Variants in METTL14 observed in about 807,000 individuals in gnomAD.
METTL14 encodes the protein N(6)-adenosine-methyltransferase non-catalytic subunit METTL14.
Under a neutral mutation model 62.4 loss-of-function variants are expected in METTL14, and 32 were observed. The observed-to-expected ratio is 0.51, with a 90% CI of 0.39 to 0.69. The LOEUF is 0.69. METTL14 is among the 30% of genes least tolerant of loss of function. The pLI is 0.00. For synonymous variants in METTL14, 150 were observed against 180.0 expected, an observed-to-expected ratio of 0.83 and a Z score of 1.34; for missense variants, 340 against 551.9, an observed-to-expected ratio of 0.62 and a Z score of 3.85.
chr4:118,691,556 G>A lies in METTL14; in HGVS notation c.268G>A (p.Glu90Lys). 1 of 1,555,240 alleles carries A rather than the reference G, an allele frequency of 6.4e-7. No individual in the cohort carries two copies. The highest frequency in any genetic ancestry group is 8.7e-7 in the Non-Finnish European group (1 of 1,149,036). ...GGATGAACTAGAAATGCAACAGGAT[G>A]AAGAAAATTTGCCATATGAAGAAGA... ...YKDELEMQQD[E>K]ENLPYEEEIY... Residue 90 changes from glutamate to lysine, a missense_variant, in exon 4 of 11, where the codon GAA (glutamate) becomes AAA (lysine). Glu to Lys is a moderately conservative substitution (Grantham distance 56, BLOSUM62 1). Around this residue, in one of 7 missense-constraint regions of METTL14, gnomAD observed 111 missense variants for 116.6 expected, o/e 0.95. Transcript: ENST00000388822.
chr4:118,693,629 T>G (rs1724319606), intron 5 of METTL14, among the ~76,000 whole-genome samples: 1 of 152,188 alleles, frequency 6.6e-6, no homozygotes, highest in Non-Finnish European at 1.5e-5. Flanking sequence ...GCATAAAAAT[T>G]TATGGTTAAA....
rs750876503 is a variant in METTL14 at position 118,705,810 on chromosome 4, C to T, written c.1055C>T (p.Thr352Ile). The T allele has an allele frequency of 6.2e-7, 1 of 1,612,940 alleles. No homozygotes were observed. The highest frequency in any genetic ancestry group is 1.1e-5 in the South Asian group (1 of 91,018). ...CTTCATCTATTTGGAAGAGATAGTA[C>T]AATTCGACCAGGTAGGACCTCAGTT... The part of the protein sequence containing the change: ...RRLHLFGRDS[T>I]IRPGWLTVGP... The change falls in exon 10 of 11, where the codon ACA becomes ATA. Residue 352 changes from threonine to isoleucine, a missense_variant. Physicochemically the swap from Thr to Ile is moderately conservative, Grantham distance 89. This residue lies in a region of METTL14 where 62 missense variants were observed against 82.3 expected (regional missense o/e 0.75). Transcript: ENST00000388822.
intron 6 of METTL14, among the ~76,000 whole-genome samples, chr4:118,694,780 G>A (rs1157915430): frequency 6.6e-6 from 1 of 151,964 alleles, no homozygotes; most frequent in African/African-American, 2.4e-5. Context: ...CATCACTCCT[G>A]GCTCTATTTT....
At chr4:118,687,661 A>C (rs922998654) in intron 1 of METTL14, among the ~76,000 whole-genome samples, 2 of 152,344 alleles carry the variant, frequency 1.3e-5, no homozygotes, top group African/African-American at 4.8e-5. Context: ...TAACCTCATC[A>C]TAAATCAAGG....
intron 5 of METTL14, among the ~76,000 whole-genome samples, chr4:118,693,476 C>T (rs1266443292): frequency 6.6e-6 from 1 of 152,084 alleles, no homozygotes; most frequent in African/African-American, 2.4e-5. Context: ...CTGTGGGTGA[C>T]TTTCTTGATA....
intron 10 of METTL14, among the ~76,000 whole-genome samples, chr4:118,708,791 T>C (rs1161968298): frequency 6.6e-6 from 1 of 152,198 alleles, no homozygotes; most frequent in Non-Finnish European, 1.5e-5. Flanking sequence ...TTACAGATAA[T>C]TGGACCTGTC....
Position 118,712,596 on chromosome 4 carries a change from G to A in METTL14, c.*2294G>A, listed in dbSNP as rs936848943. On this transcript the variant is annotated 3_prime_UTR_variant, in exon 11 of 11. Coordinates refer to ENST00000388822, the MANE Select transcript of METTL14 (RefSeq NM_020961.4). ...GATTGTGCCACTGCACTCCAGCCTG[G>A]GCGACAGAGTGAGACTCTGTCTCAA... The A allele has an allele frequency of 4.0e-5, 6 of 151,632 alleles. No homozygotes were observed. Among genetic ancestry groups the A allele is most frequent in the African/African-American group, 1.5e-4 (6 of 41,308 alleles). 9.4% of individuals were successfully genotyped at this position (151,632 alleles called of 1,614,324 possible). A position where few individuals can be genotyped will look rare whatever the true frequency, so the allele number is the denominator to read the frequency against.
At chr4:118,708,064 G>A (rs1276810235) in intron 10 of METTL14, among the ~76,000 whole-genome samples, 1 of 152,096 alleles carries the variant, frequency 6.6e-6, no homozygotes, top group Non-Finnish European at 1.5e-5. Context: ...GACCCCAAGT[G>A]ATCGCCCGCC....
chr4:118,694,200 A>C (rs948220656), intron 5 of METTL14, among the ~76,000 whole-genome samples: 1 of 151,292 alleles, frequency 6.6e-6, no homozygotes, highest in Non-Finnish European at 1.5e-5. Flanking sequence ...ATGTGATATT[A>C]AGTGGCTTAT....
intron 6 of METTL14, among the ~76,000 whole-genome samples, chr4:118,695,157 A>T (rs1178359673): frequency 6.6e-6 from 1 of 152,024 alleles, no homozygotes; most frequent in Non-Finnish European, 1.5e-5. Context: ...CAAAAATGTT[A>T]ATTTGAAGCT....
At chr4:118,687,127 C>T (rs1412896222) in intron 1 of METTL14, among the ~76,000 whole-genome samples, 1 of 152,134 alleles carries the variant, frequency 6.6e-6, no homozygotes, top group Non-Finnish European at 1.5e-5. Context: ...TCTTATCTGC[C>T]TTTTTTAGTT....
chr4:118,686,255 C>T (rs1226661062), intron 1 of METTL14, among the ~76,000 whole-genome samples: 2 of 152,176 alleles, frequency 1.3e-5, no homozygotes, highest in Admixed American at 6.5e-5. Flanking sequence ...GAAATAGAAC[C>T]TAGGTTTGTC....
intron 10 of METTL14, among the ~76,000 whole-genome samples, chr4:118,706,892 C>T (rs985690903): frequency 2.0e-5 from 3 of 152,036 alleles, no homozygotes; most frequent in African/African-American, 7.2e-5. Context: ...GGTGAGATGT[C>T]TTTTAAGGTC....
chr4:118,689,706 A>G (rs1377557802), intron 3 of METTL14, among the ~76,000 whole-genome samples: 2 of 149,454 alleles, frequency 1.3e-5, no homozygotes, highest in Non-Finnish European at 3.0e-5. Context: ...GTAATGGCAC[A>G]ATCTCGGCTC....
At chr4:118,694,964 G>A (rs962279597) in intron 6 of METTL14, among the ~76,000 whole-genome samples, 4 of 151,796 alleles carry the variant, frequency 2.6e-5, no homozygotes, top group African/African-American at 9.7e-5. Context: ...ACCATGCCTG[G>A]CTAATTTTTG....
intron 2 of METTL14, 55 bp from the exon 3 acceptor site, chr4:118,689,315 A>G (rs1724170974): frequency 2.3e-6 from 2 of 879,922 alleles, no homozygotes; most frequent in Admixed American, 2.6e-5. Flanking sequence ...TTATTAATAG[A>G]TGCATTTATA....
Position 118,694,484 on chromosome 4 carries a change from G to A in METTL14, c.461G>A (p.Arg154Lys). The change falls in exon 6 of 11, where the codon AGG becomes AAG. Residue 154 changes from arginine to lysine, a missense_variant. By Grantham distance (26) the Arg-to-Lys change is conservative. Transcript: ENST00000388822. ...EEYPKLRELIRLKDELIAKSN... is the reference protein window; with the variant it reads ...EEYPKLRELIKLKDELIAKSN... Reference sequence around the variant, plus strand: ...TATCCTAAACTGAGGGAGCTCATCAGGCTAAAGGATGAGTTAATAGCTAAA... The same window carrying A: ...TATCCTAAACTGAGGGAGCTCATCAAGCTAAAGGATGAGTTAATAGCTAAA... The A allele has an allele frequency of 1.2e-6, 2 of 1,613,212 alleles. No homozygotes were observed. The highest frequency in any genetic ancestry group is 1.7e-6 in the Non-Finnish European group (2 of 1,179,640).
At chr4:118,704,495 G>A (rs925253599) in intron 9 of METTL14, among the ~76,000 whole-genome samples, 2 of 152,108 alleles carry the variant, frequency 1.3e-5, no homozygotes, top group African/African-American at 4.8e-5. Context: ...GGCTTTAACA[G>A]TTTTTGTTCT....
chr4:118,686,711 C>T (rs767378868), intron 1 of METTL14: 3 of 450,754 alleles, frequency 6.7e-6, no homozygotes, highest in East Asian at 1.4e-4. Flanking sequence ...TTAAGTAGCT[C>T]TTTGTTGCTA....
Sources: gnomAD v4.1 joint callset for allele counts (sites outside exome capture counted in the v4.1 genomes callset) on GRCh38, gnomAD v4.1.1 for gene constraint, gnomAD v4.1.1 regional missense constraint, MANE v1.5 for transcripts, NCBI Gene and HGNC (gene_info 2026-07-23, HGNC 2026-07-21) for gene names.